Variants in MTCL1 observed in about 807,000 individuals in gnomAD.
The protein encoded by MTCL1 is microtubule cross-linking factor 1.
MTCL1 carries 79 observed loss-of-function variants against 141.4 expected under a neutral mutation model. The ratio of observed to expected loss-of-function variants is 0.56; its 90% CI spans 0.47 to 0.67. The LOEUF is 0.67. MTCL1 is among the 30% of genes least tolerant of loss of function. The pLI, the probability that MTCL1 is intolerant of heterozygous loss-of-function variation, is 0.00. For synonymous variants in MTCL1, 914 were observed against 875.8 expected, an observed-to-expected ratio of 1.04 and a Z score of -0.77; for missense variants, 2,177 against 2,113.9, an observed-to-expected ratio of 1.03 and a Z score of -0.59.
At chr18:8,740,331 C>T (rs547247322) in intron 4 of MTCL1, among the ~76,000 whole-genome samples, 1 of 152,136 alleles carries the variant, frequency 6.6e-6, no homozygotes, top group African/African-American at 2.4e-5. Flanking sequence ...CTGAAGCATC[C>T]GGAAATCCTT....
chr18:8,754,416 A>G (rs61256881), intron 4 of MTCL1, among the ~76,000 whole-genome samples: 1,618 of 152,322 alleles, frequency 0.011, 35 homozygotes, highest in African/African-American at 0.037. Flanking sequence ...CCCCATGTGT[A>G]TAAGTGTATA....
chr18:8,771,191 G>A (rs1423443947), intron 4 of MTCL1, among the ~76,000 whole-genome samples: 1 of 152,046 alleles, frequency 6.6e-6, no homozygotes, highest in Non-Finnish European at 1.5e-5. Context: ...GTCTCGCAAT[G>A]TTGCTCAGGC....
chr18:8,825,477 C>T lies in MTCL1; in HGVS notation c.3967C>T (p.Gln1323Ter). The T allele has an allele frequency of 1.9e-6, 3 of 1,608,560 alleles. No homozygotes were observed. Among genetic ancestry groups the T allele is most frequent in the Non-Finnish European group, 1.7e-6 (2 of 1,176,020 alleles). Residue 1323 changes from glutamine (Q) to a stop codon, truncating the protein, a stop_gained, in exon 15 of 17, where the codon CAG becomes TAG. Transcript: ENST00000359865. LOFTEE classifies it high-confidence loss of function. ...CCGGACGATGGGGACCCAGACTGTT[C>T]AGACCATCAGTGTGGGCTTGCAGAC...
At chr18:8,831,988 A>G (rs1425053533) in exon 17 of MTCL1, 2 of 717,380 alleles carry the variant, frequency 2.8e-6, no homozygotes, top group Non-Finnish European at 4.5e-6. Flanking sequence ...GAAACAGTAA[A>G]TGTGCCTGTA....
intron 4 of MTCL1, among the ~76,000 whole-genome samples, chr18:8,741,660 T>G (rs2096303958): frequency 6.6e-6 from 1 of 152,164 alleles, no homozygotes; most frequent in Non-Finnish European, 1.5e-5. Flanking sequence ...AAAAATGATT[T>G]ACTTTTGTGC....
chr18:8,757,868 CTTTGGTTTTAGAACCTTGGA>C (rs922716393), intron 4 of MTCL1, among the ~76,000 whole-genome samples: 13 of 152,054 alleles, frequency 8.5e-5, no homozygotes, highest in Admixed American at 2.6e-4. Flanking sequence ...ATTTTTCTTC[CTTTGGTTTTAGAACCTTGGA>C]TTTGGCTGGA....
At chr18:8,739,920 G>T (rs1456400425) in intron 4 of MTCL1, among the ~76,000 whole-genome samples, 1 of 152,096 alleles carries the variant, frequency 6.6e-6, no homozygotes, top group African/African-American at 2.4e-5. Context: ...TTTAGTAGAG[G>T]TGGGGTTTCA....
chr18:8,717,163 C>T (rs148302639), upstream of MTCL1, among the ~76,000 whole-genome samples: 59 of 152,334 alleles, frequency 3.9e-4, no homozygotes, highest in African/African-American at 1.3e-3. Flanking sequence ...GACAGACAAG[C>T]TTGCTCCCCT....
At chr18:8,791,517 C>T (rs769186631) in intron 7 of MTCL1, among the ~76,000 whole-genome samples, 5 of 151,036 alleles carry the variant, frequency 3.3e-5, no homozygotes, top group African/African-American at 9.8e-5. Context: ...TTGGCAGACA[C>T]GGCAAATAGC....
chr18:8,774,012 T>C (rs2096495078), intron 4 of MTCL1, among the ~76,000 whole-genome samples: 1 of 152,230 alleles, frequency 6.6e-6, no homozygotes, highest in Admixed American at 6.5e-5. Context: ...GTCAGCAAAG[T>C]AGTTTGAGGC....
chr18:8,728,794 GAT>G (rs1373305453), intron 4 of MTCL1, among the ~76,000 whole-genome samples: 13 of 6,504 alleles, frequency 2.0e-3, no homozygotes, highest in Admixed American at 8.8e-3. Context: ...GCAGTGGCGT[GAT>G]TGATCTCGGC....
intron 4 of MTCL1, among the ~76,000 whole-genome samples, chr18:8,763,934 G>T (rs947357094): frequency 6.6e-6 from 1 of 151,590 alleles, no homozygotes; most frequent in Non-Finnish European, 1.5e-5. Context: ...TTTTTCCTAT[G>T]AATTAACAGA....
At chr18:8,826,505 G>A (rs1206883770) in intron 15 of MTCL1, among the ~76,000 whole-genome samples, 1 of 152,154 alleles carries the variant, frequency 6.6e-6, no homozygotes, top group Non-Finnish European at 1.5e-5. Flanking sequence ...TTAAGTGATT[G>A]ATCCTTATTT....
exon 6 of MTCL1, chr18:8,783,663 A>G (rs1247239475): frequency 6.2e-6 from 10 of 1,612,602 alleles, no homozygotes; most frequent in East Asian, 2.2e-5. Context: ...AAGTCCCTCT[A>G]TGGGGATGTG....
At chr18:8,733,509 G>A (rs746303046) in intron 4 of MTCL1, among the ~76,000 whole-genome samples, 8 of 152,024 alleles carry the variant, frequency 5.3e-5, no homozygotes, top group Non-Finnish European at 7.4e-5. Context: ...GGGTTCAAGC[G>A]ATTCTCCTGC....
exon 15 of MTCL1, chr18:8,824,771 C>T: frequency 2.5e-6 from 4 of 1,614,152 alleles, no homozygotes; most frequent in Non-Finnish European, 3.4e-6. Flanking sequence ...CTGAGAAGGG[C>T]CTGCCGTCCA....
chr18:8,805,308 T>C (rs2076261003), intron 10 of MTCL1, among the ~76,000 whole-genome samples: 1 of 152,144 alleles, frequency 6.6e-6, no homozygotes, highest in African/African-American at 2.4e-5. Flanking sequence ...CCCATCTCTG[T>C]CCGAGTATAC....
chr18:8,783,259 C>CTT (rs71356264), intron 5 of MTCL1, among the ~76,000 whole-genome samples: 49 of 150,194 alleles, frequency 3.3e-4, no homozygotes, highest in Middle Eastern at 3.4e-3. Flanking sequence ...TCCACGTGCA[C>CTT]TTTTTTTTTT....
chr18:8,825,075 G>A, exon 15 of MTCL1: 1 of 1,611,862 alleles, frequency 6.2e-7, no homozygotes, highest in Non-Finnish European at 8.5e-7. Flanking sequence ...CGAGCAGTCG[G>A]GGTTGCGCGT....
Sources: allele counts gnomAD v4.1 joint callset (sites outside exome capture counted in the v4.1 genomes callset), GRCh38; gene constraint gnomAD v4.1.1; transcripts MANE v1.5; gene names NCBI Gene and HGNC (gene_info 2026-07-23, HGNC 2026-07-21).